Variants in POT1 observed in about 807,000 individuals in gnomAD.
POT1 encodes protection of telomeres protein 1.
POT1 carries 47 observed loss-of-function variants against 78.5 expected under a neutral mutation model. The ratio of observed to expected loss-of-function variants is 0.60; its 90% confidence interval spans 0.47 to 0.76. POT1 has a LOEUF of 0.76. POT1 is among the 30% of genes least tolerant of loss of function. The pLI is 0.00. For synonymous variants in POT1, 259 were observed against 260.7 expected (o/e 0.99, Z 0.06); for missense variants, 646 against 749.9 (o/e 0.86, Z 1.62).
intron 8 of POT1, among the ~76,000 whole-genome samples, chr7:124,862,483 G>T (rs1470709622): frequency 6.6e-6 from 1 of 152,100 alleles, no homozygotes; most frequent in African/African-American, 2.4e-5. Flanking sequence ...TTAACTTTCT[G>T]CAGGGCATGT....
At chr7:124,907,436 AC>A (rs920458267) in intron 3 of POT1, among the ~76,000 whole-genome samples, 1 of 152,038 alleles carries the variant, frequency 6.6e-6, no homozygotes, top group African/African-American at 2.4e-5. Context: ...TAACTGCTTC[AC>A]CCCCCACAAA....
At chr7:124,916,548 A>G (rs1797019294) in intron 2 of POT1, among the ~76,000 whole-genome samples, 1 of 152,138 alleles carries the variant, frequency 6.6e-6, no homozygotes, top group Non-Finnish European at 1.5e-5. Context: ...GAATAAAACA[A>G]TTGTTTTATT....
intron 7 of POT1, among the ~76,000 whole-genome samples, chr7:124,867,204 C>CAGTGTGGTTAGACT (rs1795749396): frequency 6.6e-6 from 1 of 152,172 alleles, no homozygotes; most frequent in African/African-American, 2.4e-5. Flanking sequence ...TGTAGTCTAA[C>CAGTGTGGTTAGACT]GCATCCTCAT....
At chr7:124,924,937 A>G (rs1012593904) in intron 2 of POT1, among the ~76,000 whole-genome samples, 4 of 152,120 alleles carry the variant, frequency 2.6e-5, no homozygotes, top group African/African-American at 9.7e-5. Flanking sequence ...AATCCTCAAC[A>G]AACTAGATAG....
chr7:124,831,762 A>C (rs1389393078), intron 15 of POT1, among the ~76,000 whole-genome samples: 1 of 152,046 alleles, frequency 6.6e-6, no homozygotes, highest in Non-Finnish European at 1.5e-5. Context: ...ATTTTAATGA[A>C]TCAAAAAAAG....
At position 124,846,913 on chromosome 7, in the gene POT1, C is replaced by G. The variant is rs186011261; in HGVS notation, c.1006+29G>C. On this transcript the variant is annotated intron_variant, in intron 12 of 18. Coordinates refer to ENST00000357628, the MANE Select transcript of POT1 (RefSeq NM_015450.3). ...AGACTTTATTATGCTCATTACTGTG[C>G]CCATCTCAAAAATGATACATAGTCT... 1.8e-5 allele frequency: 27 copies of G among 1,477,712 alleles called. No homozygotes were observed. The East Asian group carries it at 5.9e-4, about 32-fold the overall frequency. The allele number at this position is 1,477,712 out of a possible 1,614,324, so 91.5% of individuals were successfully genotyped here. A position where few individuals can be genotyped will look rare whatever the true frequency, so the allele number is the denominator to read the frequency against.
At chr7:124,899,930 G>C (rs1395462343) in intron 3 of POT1, among the ~76,000 whole-genome samples, 1 of 151,952 alleles carries the variant, frequency 6.6e-6, no homozygotes, top group East Asian at 1.9e-4. Flanking sequence ...ATTTTGAAAA[G>C]AATAAATGAC....
At chr7:124,907,176 A>G (rs1796785057) in intron 3 of POT1, among the ~76,000 whole-genome samples, 1 of 152,138 alleles carries the variant, frequency 6.6e-6, no homozygotes, top group Non-Finnish European at 1.5e-5. Context: ...ATTTGGAATC[A>G]CTGAAATCTT....
At chr7:124,879,598 T>TG in intron 6 of POT1, among the ~76,000 whole-genome samples, 1 of 152,088 alleles carries the variant, frequency 6.6e-6, no homozygotes, top group Non-Finnish European at 1.5e-5. Context: ...AAAGTTAAAA[T>TG]GGAAGAGCAG....
At chr7:124,826,451 C>T (rs1485770261) in intron 17 of POT1, among the ~76,000 whole-genome samples, 1 of 152,176 alleles carries the variant, frequency 6.6e-6, no homozygotes, top group Non-Finnish European at 1.5e-5. Context: ...GCCTTGAGGA[C>T]TTCCAATTGC....
chr7:124,869,141 G>A (rs1231076519), intron 7 of POT1, among the ~76,000 whole-genome samples: 1 of 152,116 alleles, frequency 6.6e-6, no homozygotes, highest in Admixed American at 6.5e-5. Context: ...ATGGAGCCAT[G>A]CATGGTCTGT....
At chr7:124,858,864 T>C (rs2116524354) in intron 9 of POT1, 93 bp downstream of exon 9, 4 of 810,272 alleles carry the variant, frequency 4.9e-6, no homozygotes, top group South Asian at 2.3e-5. Flanking sequence ...CTGTATCACC[T>C]ATACATGTAA....
At chr7:124,852,942 A>C in intron 10 of POT1, 30 bp downstream of exon 10, 1 of 1,590,306 alleles carries the variant, frequency 6.3e-7, no homozygotes, top group African/African-American at 1.3e-5. Context: ...TCGATACCTT[A>C]TTTACATTTT....
intron 6 of POT1, among the ~76,000 whole-genome samples, chr7:124,883,930 G>A (rs919597579): frequency 2.6e-5 from 4 of 151,346 alleles, no homozygotes; most frequent in African/African-American, 9.7e-5. Flanking sequence ...AACAATGAGT[G>A]ATTAATTACT....
intron 9 of POT1, among the ~76,000 whole-genome samples, chr7:124,857,761 A>G (rs1479905183): frequency 6.6e-6 from 1 of 152,134 alleles, no homozygotes; most frequent in Non-Finnish European, 1.5e-5. Flanking sequence ...TCTTCATTTT[A>G]TTCTTGAGAC....
rs184241887 is a variant in POT1, at chr7:124,823,873, T to C, written c.*89A>G. 8.9e-4 allele frequency: 710 copies of C among 801,852 alleles called. 5 individuals carry two copies. The African/African-American group carries it at 0.011, about 12-fold the overall frequency. 49.7% of individuals were successfully genotyped at this position (801,852 alleles called of 1,614,324 possible). ...CATACCCATGCTAACATCATCAACA[T>C]TGCTGATACAAAACTCAGGTCAGGA... On this transcript the variant is annotated 3_prime_UTR_variant, in exon 19 of 19. Transcript: ENST00000357628.
intron 6 of POT1, 67 bp downstream of exon 6, chr7:124,892,199 T>C (rs1796388249): frequency 1.0e-6 from 1 of 971,264 alleles, no homozygotes; most frequent in Non-Finnish European, 1.5e-6. Context: ...AGGGTACAGA[T>C]GGAACCGTGT....
At chr7:124,874,926 G>T (rs559750754) in intron 6 of POT1, among the ~76,000 whole-genome samples, 19 of 151,664 alleles carry the variant, frequency 1.3e-4, no homozygotes, top group African/African-American at 4.6e-4. Flanking sequence ...TTTGTGAGAA[G>T]GGTGAAATAA....
chr7:124,928,397 A>C lies in POT1; in HGVS notation c.-227+418T>G, dbSNP rs546088623. On this transcript the variant is annotated intron_variant, in intron 2 of 18. Coordinates refer to ENST00000357628, the MANE Select transcript of POT1 (RefSeq NM_015450.3). ...GCACATAAGGACTGCTTTTTACCTC[A>C]AAGGAAGGTACAGCACAGTCTGTTA... Among the ~76,000 whole-genome samples the C allele has an allele frequency of 1.6e-4, 24 of 152,300 alleles. No individual in the cohort carries two copies. In the South Asian group the frequency reaches 4.8e-3, roughly 30 times the overall value.
Sources: allele counts gnomAD v4.1 joint callset (sites outside exome capture counted in the v4.1 genomes callset), GRCh38; gene constraint gnomAD v4.1.1; transcripts MANE v1.5; gene names NCBI Gene and HGNC (gene_info 2026-07-23, HGNC 2026-07-21).